Variants in SPATC1L observed in about 807,000 individuals in gnomAD.
The protein encoded by SPATC1L is spermatogenesis and centriole associated 1 like.
SPATC1L carries 20 observed loss-of-function variants against 21.2 expected under a neutral mutation model. That is an observed-to-expected ratio of 0.94 (90% CI 0.66 to 1.37). The LOEUF is 1.37. Among genes scored for constraint, SPATC1L ranks in the 40% most tolerant of loss-of-function variants. SPATC1L has a pLI of 0.00. For missense variants in SPATC1L, 499 were observed against 478.7 expected, an observed-to-expected ratio of 1.04 and a Z score of -0.40; for synonymous variants, 290 against 234.5, an observed-to-expected ratio of 1.24 and a Z score of -2.16.
intron 2 of SPATC1L, among the ~76,000 whole-genome samples, chr21:46,170,826 G>C (rs1056514349): frequency 2.9e-5 from 4 of 137,850 alleles, no homozygotes; most frequent in African/African-American, 1.2e-4. Flanking sequence ...CTGTGGATGG[G>C]GAGGAGCCTC....
rs140005796 is a variant in SPATC1L, at chr21:46,161,922, G to T, written c.690C>A (p.Ile230=). 1.5e-4 allele frequency: 238 copies of T among 1,606,516 alleles called. 1 individual carries two copies. In the African/African-American group the frequency reaches 2.1e-3, roughly 14 times the overall value. ...CCCTCCCCACGGGGCGCACCTGCTC[G>T]ATCTTCTCGGGGATGTTGGCCACCG... The part of the protein sequence containing the change: ...GFTVANIPEK[I]EQTSTKSLDG... Residue 230 remains isoleucine (I), a synonymous_variant, in exon 4 of 5, where the codon ATC becomes ATA. Coordinates refer to ENST00000291672, the MANE Select transcript of SPATC1L (RefSeq NM_001142854.2).
rs1292317868 is a variant in SPATC1L, at chr21:46,168,407, G to A, written c.445C>T (p.Leu149=). 2 of 1,613,038 alleles carry A rather than the reference G, an allele frequency of 1.2e-6. No individual in the cohort carries two copies. The highest frequency in any genetic ancestry group is 2.2e-5 in the East Asian group (1 of 44,860). The part of the protein sequence containing the change: ...PLQDSLVDKT[L]LEPREMVRPK... ...CGGACCATCTCCCTGGGCTCCAGCAGGGTCTTGTCCACCAGTGAGTCTTGC... is the reference window on the plus strand; with the variant it reads ...CGGACCATCTCCCTGGGCTCCAGCAAGGTCTTGTCCACCAGTGAGTCTTGC... Residue 149 remains leucine (L), a synonymous_variant, in exon 3 of 5, where the codon CTG becomes TTG. Coordinates refer to ENST00000291672, the MANE Select transcript of SPATC1L (RefSeq NM_001142854.2).
chr21:46,168,104 T>C (rs985148722), intron 3 of SPATC1L, among the ~76,000 whole-genome samples: 2 of 152,172 alleles, frequency 1.3e-5, no homozygotes, highest in African/African-American at 4.8e-5. Flanking sequence ...AAGAAGAAGA[T>C]AAGCAACCCA....
chr21:46,161,254 C>T lies in SPATC1L; in HGVS notation c.*125G>A. 3.3e-6 allele frequency: 3 copies of T among 907,882 alleles called. No individual in the cohort carries two copies. Among genetic ancestry groups the T allele is most frequent in the Non-Finnish European group, 3.1e-6 (2 of 645,262 alleles). The allele number at this position is 907,882 out of a possible 1,614,324, so 56.2% of individuals were successfully genotyped here. A position where few individuals can be genotyped will look rare whatever the true frequency, so the allele number is the denominator to read the frequency against. On this transcript the variant is annotated 3_prime_UTR_variant, in exon 5 of 5. Transcript: ENST00000291672. Reference sequence around the variant, plus strand: ...GGGCCCAGCACCGGTGGGAGCGGGGCCTTCTCTGGCCTCGCGCGCGGGGGA... The same window carrying T: ...GGGCCCAGCACCGGTGGGAGCGGGGTCTTCTCTGGCCTCGCGCGCGGGGGA...
intron 3 of SPATC1L, among the ~76,000 whole-genome samples, chr21:46,166,408 T>C (rs771069671): frequency 6.6e-6 from 1 of 151,628 alleles, no homozygotes; most frequent in African/African-American, 2.4e-5. Context: ...TGAATGATAG[T>C]ATGTGAGTTT....
In SPATC1L at chr21:46,161,560, G is replaced by A. The variant is rs1457359885; in HGVS notation, c.842C>T (p.Thr281Ile). Residue 281 changes from threonine (T) to isoleucine (I), a missense_variant, in exon 5 of 5, where the codon ACC becomes ATC. By Grantham distance (89) the Thr-to-Ile change is moderately conservative. Transcript: ENST00000291672. ...GGGCCGCTGCTTCAGGATTCCGTAG[G>A]TGTTGATGAGGAACTCGCTGAACGC... ...HPAFSEFLIN[T>I]YGILKQRPDL... 4 of 1,610,908 alleles carry A rather than the reference G, an allele frequency of 2.5e-6. No homozygotes were observed. The Admixed American group carries it at 5.0e-5, about 20-fold the overall frequency.
At chr21:46,171,975 C>T (rs1380703838) in intron 2 of SPATC1L, among the ~76,000 whole-genome samples, 1 of 111,230 alleles carries the variant, frequency 9.0e-6, no homozygotes, top group Non-Finnish European at 1.9e-5. Context: ...ATGGCCAGGC[C>T]AAAAATAATT....
At chr21:46,163,646 A>T (rs1188866684) in intron 3 of SPATC1L, among the ~76,000 whole-genome samples, 4 of 152,178 alleles carry the variant, frequency 2.6e-5, no homozygotes, top group Admixed American at 6.6e-5. Flanking sequence ...GTTGAAAACC[A>T]TCTATGTACA....
intron 2 of SPATC1L, among the ~76,000 whole-genome samples, chr21:46,181,310 G>T (rs2079671181): frequency 1.3e-5 from 2 of 152,174 alleles, no homozygotes; most frequent in African/African-American, 4.8e-5. Context: ...AGAACCTGGG[G>T]CCTCGCACAG....
intron 2 of SPATC1L, among the ~76,000 whole-genome samples, chr21:46,174,345 A>AAAC (rs2079615500): frequency 3.6e-5 from 2 of 56,336 alleles, no homozygotes; most frequent in African/African-American, 5.4e-5. Flanking sequence ...AAAACAAAAC[A>AAAC]AAAAAAAAAA....
intron 2 of SPATC1L, among the ~76,000 whole-genome samples, chr21:46,179,256 A>T (rs1041942874): frequency 5.2e-4 from 79 of 151,928 alleles, no homozygotes; most frequent in African/African-American, 1.9e-3. Flanking sequence ...AAAGAAAAAA[A>T]CATAATGGGC....
At chr21:46,181,410 T>C (rs1177113309) in intron 2 of SPATC1L, among the ~76,000 whole-genome samples, 1 of 152,162 alleles carries the variant, frequency 6.6e-6, no homozygotes, top group African/African-American at 2.4e-5. Flanking sequence ...GAGGAGCCCC[T>C]GCCTGTCACC....
At chr21:46,172,019 C>A (rs2079594620) in intron 2 of SPATC1L, among the ~76,000 whole-genome samples, 2 of 95,418 alleles carry the variant, frequency 2.1e-5, no homozygotes, top group African/African-American at 3.4e-5. Context: ...ATCAAGAACA[C>A]ACAGCACGAG....
chr21:46,171,294 A>G (rs2079588124), intron 2 of SPATC1L, among the ~76,000 whole-genome samples: 1 of 152,216 alleles, frequency 6.6e-6, no homozygotes, highest in Non-Finnish European at 1.5e-5. Flanking sequence ...CTAGCAATAA[A>G]GCAAATACAT....
chr21:46,178,164 G>A (rs140436189), intron 2 of SPATC1L, among the ~76,000 whole-genome samples: 3,514 of 150,638 alleles, frequency 0.023, 132 homozygotes, highest in South Asian at 0.088. Context: ...ATCGGGAAGC[G>A]GAGGTTGCAG....
Position 46,168,355 on chromosome 21 carries a change from C to T in SPATC1L, c.497G>A (p.Ser166Asn), listed in dbSNP as rs1166671041. 6.2e-7 allele frequency: 1 copy of T among 1,602,704 alleles called. No individual in the cohort carries two copies. The highest frequency in any genetic ancestry group is 1.7e-5 in the Admixed American group (1 of 59,790). The change falls in exon 3 of 5, where the codon AGC (serine) becomes AAC (asparagine). Residue 166 changes from serine (S) to asparagine (N), a missense_variant. Transcript: ENST00000291672. ...VRPKKVCFSESSLPTGDRTRR... is the reference protein window; with the variant it reads ...VRPKKVCFSENSLPTGDRTRR... ...GGTCCTGTCCCCGGTGGGCAGGCTGCTCTCCGAGAAACACACCTTCTTAGG... is the reference window on the plus strand; with the variant it reads ...GGTCCTGTCCCCGGTGGGCAGGCTGTTCTCCGAGAAACACACCTTCTTAGG...
chr21:46,182,659 T>C lies in SPATC1L; in HGVS notation c.158A>G (p.His53Arg), dbSNP rs1013488971. Residue 53 changes from histidine to arginine, a missense_variant, in exon 2 of 5, where the codon CAT becomes CGT. Physicochemically the swap from His to Arg is conservative, Grantham distance 29 (BLOSUM62 0). Transcript: ENST00000291672. ...GGGGGAGCCGGCCTCAGGGTAGGCA[T>C]GCGCCCTGGGTGGGAGCAGGTCGTG... ...GGHDLLPPRA[H>R]AYPEAGSPGS... The C allele has an allele frequency of 1.3e-5, 20 of 1,538,084 alleles. No individual in the cohort carries two copies. The African/African-American group carries it at 1.4e-4, about 11-fold the overall frequency.
intron 3 of SPATC1L, among the ~76,000 whole-genome samples, chr21:46,163,075 C>G (rs543340414): frequency 7.9e-5 from 12 of 152,326 alleles, no homozygotes; most frequent in African/African-American, 2.9e-4. Flanking sequence ...TCACTAACGA[C>G]TAGTGATTCG....
At chr21:46,164,459 G>T (rs1363768785) in intron 3 of SPATC1L, among the ~76,000 whole-genome samples, 4 of 152,082 alleles carry the variant, frequency 2.6e-5, no homozygotes, top group African/African-American at 9.7e-5. Context: ...AAGAGCAGGT[G>T]TAATCTCCTC....
Sources: allele counts gnomAD v4.1 joint callset (sites outside exome capture counted in the v4.1 genomes callset), GRCh38; gene constraint gnomAD v4.1.1; transcripts MANE v1.5; gene names NCBI Gene and HGNC (gene_info 2026-07-23, HGNC 2026-07-21).